Variants in TMEM71 observed in about 807,000 individuals in gnomAD.
The protein encoded by TMEM71 is transmembrane protein 71.
TMEM71 carries 44 observed loss-of-function variants against 38.0 expected under a neutral mutation model. The ratio of observed to expected loss-of-function variants is 1.16; its 90% confidence interval spans 0.91 to 1.49. The LOEUF is 1.49. Among genes scored for constraint, TMEM71 ranks in the 40% most tolerant of loss-of-function variants. The pLI is 0.00. For missense variants in TMEM71, 367 were observed against 348.6 expected (o/e 1.05, Z -0.42); for synonymous variants, 133 against 122.5 (o/e 1.09, Z -0.56).
chr8:132,752,077 AG>A lies in TMEM71; in HGVS notation c.102-81del. 3 of 1,146,132 alleles carry A rather than the reference AG, an allele frequency of 2.6e-6. No homozygotes were observed. The South Asian group carries it at 3.9e-5, about 15-fold the overall frequency. The allele number at this position is 1,146,132 out of a possible 1,614,324, so 71.0% of individuals were successfully genotyped here. ...AATAAACCATGTCTCATCACTGTGA[AG>A]GAAAATAACATCTTTGCATCCATGA... On this transcript the variant is annotated intron_variant, in intron 3 of 9. Coordinates refer to ENST00000677595, the MANE Select transcript of TMEM71 (RefSeq NM_001382403.1).
chr8:132,727,381 C>T (rs1239324874), intron 6 of TMEM71, among the ~76,000 whole-genome samples: 3 of 150,646 alleles, frequency 2.0e-5, no homozygotes, highest in East Asian at 2.0e-4. Context: ...CTCAGCCTCC[C>T]GAGTAGCTGG....
chr8:132,711,030 C>T (rs754431149), intron 9 of TMEM71, 48 bp from the exon 10 acceptor site: 1 of 1,579,136 alleles, frequency 6.3e-7, no homozygotes, highest in Non-Finnish European at 8.7e-7. Context: ...TCCCCATGCA[C>T]AGGAAATGCA....
the TMEM71 span, chr8:132,775,415 C>CGGCGGCGGCGAT: frequency 1.0e-5 from 4 of 384,266 alleles, no homozygotes; most frequent in African/African-American, 8.4e-5. Flanking sequence ...GAGGCGGCGG[C>CGGCGGCGGCGAT]GGCGGCGGCG....
chr8:132,750,015 A>AAG (rs1828610659), intron 4 of TMEM71, among the ~76,000 whole-genome samples: 1 of 151,378 alleles, frequency 6.6e-6, no homozygotes, highest in Admixed American at 6.6e-5. Context: ...TCCATCTCAA[A>AAG]AAAAAAAAAA....
At chr8:132,717,842 A>G (rs1379913550) in intron 7 of TMEM71, among the ~76,000 whole-genome samples, 3 of 152,230 alleles carry the variant, frequency 2.0e-5, no homozygotes, top group Admixed American at 6.5e-5. Flanking sequence ...GAAAAACTCA[A>G]ATGCCCATCA....
chr8:132,711,360 A>T (rs1035470881), intron 9 of TMEM71, among the ~76,000 whole-genome samples: 9 of 151,732 alleles, frequency 5.9e-5, no homozygotes, highest in Non-Finnish European at 1.2e-4. Context: ...ATGATCCTCA[A>T]GAAGATTAAA....
chr8:132,754,254 A>C (rs1288461872), intron 3 of TMEM71, among the ~76,000 whole-genome samples: 1 of 152,054 alleles, frequency 6.6e-6, no homozygotes, highest in Non-Finnish European at 1.5e-5. Context: ...ATATTATCAC[A>C]CTATTAAATA....
intron 7 of TMEM71, 28 bp downstream of exon 7, chr8:132,722,012 C>T (rs192072343): frequency 1.7e-5 from 27 of 1,570,728 alleles, no homozygotes; most frequent in Middle Eastern, 1.7e-4. Context: ...TATGAAATAC[C>T]GCTGCATGAA....
intron 9 of TMEM71, 102 bp downstream of exon 9, chr8:132,713,893 G>A (rs1381169710): frequency 1.8e-6 from 2 of 1,127,632 alleles, no homozygotes; most frequent in Admixed American, 1.9e-5. Flanking sequence ...TGATCAGGAT[G>A]TTTCCTGTCA....
intron 5 of TMEM71, among the ~76,000 whole-genome samples, chr8:132,738,988 T>C (rs141540998): frequency 7.2e-5 from 11 of 152,308 alleles, no homozygotes; most frequent in African/African-American, 2.6e-4. Flanking sequence ...TGGGCAAAGC[T>C]GGGTGAAGCA....
upstream of TMEM71, among the ~76,000 whole-genome samples, chr8:132,765,419 T>G (rs1433002901): frequency 6.6e-6 from 1 of 152,190 alleles, no homozygotes; most frequent in Admixed American, 6.5e-5. Flanking sequence ...GGTGTGGCTC[T>G]GCAGAAAGAA....
chr8:132,756,411 T>TATATATATA (rs1554619985), intron 3 of TMEM71, among the ~76,000 whole-genome samples: 79 of 115,808 alleles, frequency 6.8e-4, no homozygotes, highest in Non-Finnish European at 1.1e-3. Context: ...AACATATATA[T>TATATATATA]TATATATATA....
intron 7 of TMEM71, among the ~76,000 whole-genome samples, chr8:132,719,497 G>A (rs1376920576): frequency 6.6e-6 from 1 of 152,128 alleles, no homozygotes; most frequent in Non-Finnish European, 1.5e-5. Context: ...TCATGTATAT[G>A]CAAATTTTCC....
chr8:132,756,453 A>G (rs948393237), intron 3 of TMEM71, among the ~76,000 whole-genome samples: 8 of 138,640 alleles, frequency 5.8e-5, no homozygotes, highest in African/African-American at 1.7e-4. Flanking sequence ...TCATTATTCT[A>G]TTAGGCAAGT....
upstream of TMEM71, among the ~76,000 whole-genome samples, chr8:132,764,054 C>T (rs1829334169): frequency 6.6e-6 from 1 of 152,166 alleles, no homozygotes; most frequent in Non-Finnish European, 1.5e-5. Flanking sequence ...CAATATCTTC[C>T]ACCCAATCAC....
At position 132,724,211 on chromosome 8, in the gene TMEM71, C is replaced by T. The variant is rs193151958; in HGVS notation, c.677-2096G>A. Among the ~76,000 whole-genome samples the T allele has an allele frequency of 3.0e-3, 456 of 152,232 alleles. 2 individuals carry two copies. The highest frequency in any genetic ancestry group is 0.01 in the African/African-American group (430 of 41,530). On this transcript the variant is annotated intron_variant, in intron 6 of 9. Coordinates refer to ENST00000677595, the MANE Select transcript of TMEM71 (RefSeq NM_001382403.1). ...AAACATCTTAACAGAAAACAGAGTT[C>T]GAGAGCAGAGAACCGGTCTGACCTC...
upstream of TMEM71, among the ~76,000 whole-genome samples, chr8:132,763,147 C>T (rs910552654): frequency 1.3e-5 from 2 of 152,248 alleles, no homozygotes; most frequent in Middle Eastern, 3.4e-3. Context: ...CACTGCCTTG[C>T]TACTAATTAA....
chr8:132,739,523 G>A (rs1827927378), intron 5 of TMEM71, among the ~76,000 whole-genome samples: 1 of 152,060 alleles, frequency 6.6e-6, no homozygotes, highest in East Asian at 1.9e-4. Flanking sequence ...ATGTTAGCCA[G>A]GATGGTCTCG....
chr8:132,751,733 A>G (rs1828719513), intron 4 of TMEM71, 52 bp downstream of exon 4: 9 of 1,513,022 alleles, frequency 5.9e-6, no homozygotes, highest in Non-Finnish European at 8.3e-6. Flanking sequence ...TGAATAAACA[A>G]TTAATGGATG....
Sources: allele counts gnomAD v4.1 joint callset (sites outside exome capture counted in the v4.1 genomes callset), GRCh38; gene constraint gnomAD v4.1.1; transcripts MANE v1.5; gene names NCBI Gene and HGNC (gene_info 2026-07-23, HGNC 2026-07-21).